CUL1: variants seen among roughly 807,000 people sequenced by gnomAD.
CUL1 encodes the protein cullin-1.
In CUL1, 24 loss-of-function variants were observed where a neutral mutation model predicts 118.0. That is an observed-to-expected ratio of 0.20 (90% CI 0.15 to 0.29). The LOEUF (loss-of-function observed/expected upper bound fraction) is 0.29. CUL1 is among the 10% of genes least tolerant of loss of function. CUL1 has a pLI of 1.00. For synonymous variants in CUL1, 332 were observed against 340.4 expected (o/e 0.98, Z 0.27); for missense variants, 361 against 933.8 (o/e 0.39, Z 7.99).
intron 2 of CUL1, among the ~76,000 whole-genome samples, chr7:148,748,238 C>T (rs112042948): frequency 1.2e-4 from 18 of 152,158 alleles, no homozygotes; most frequent in South Asian, 6.2e-4. Context: ...AAACCAAACT[C>T]GTCTATCAGA....
At position 148,760,440 on chromosome 7, in the gene CUL1, A is replaced by T; in HGVS notation, c.733A>T (p.Thr245Ser). Residue 245 changes from threonine (T) to serine (S), a missense_variant, in exon 7 of 22, where the codon ACC (threonine) becomes TCC (serine). By Grantham distance (58) the Thr-to-Ser change is moderately conservative (BLOSUM62 1). Transcript: ENST00000325222. ...QFLADTERFY[T>S]RESTEFLQQN... is the part of the protein sequence containing the mutation. ...TTTGGCTGACACAGAGAGATTTTAT[A>T]CCAGAGAGAGTACTGAATTCTTGCA... is the stretch of plus-strand genomic sequence containing the variant. 6.2e-7 allele frequency: 1 copy of T among 1,613,508 alleles called. No homozygotes were observed. The highest frequency in any genetic ancestry group is 8.5e-7 in the Non-Finnish European group (1 of 1,179,696).
At chr7:148,752,681 C>T (rs1799528272) in intron 2 of CUL1, among the ~76,000 whole-genome samples, 1 of 152,128 alleles carries the variant, frequency 6.6e-6, no homozygotes, top group South Asian at 2.1e-4. Context: ...CAGAGTCTTG[C>T]TCTGTCGCCC....
intron 1 of CUL1, among the ~76,000 whole-genome samples, chr7:148,700,226 C>G (rs1240180700): frequency 6.6e-6 from 1 of 152,158 alleles, no homozygotes; most frequent in Non-Finnish European, 1.5e-5. Context: ...GTCAAAAGTT[C>G]TGAGTGGAGT....
At chr7:148,739,994 A>G (rs1799089527) in intron 2 of CUL1, among the ~76,000 whole-genome samples, 1 of 151,892 alleles carries the variant, frequency 6.6e-6, no homozygotes, top group African/African-American at 2.4e-5. Context: ...ATGGACTGTC[A>G]ACTTCTTGTC....
At chr7:148,725,219 G>GCACGCACACA in intron 1 of CUL1, among the ~76,000 whole-genome samples, 6 of 140,060 alleles carry the variant, frequency 4.3e-5, no homozygotes, top group African/African-American at 1.7e-4. Flanking sequence ...ACACGCGCGC[G>GCACGCACACA]CTCACACACA....
chr7:148,799,403 A>C lies in CUL1; in HGVS notation c.2250+15A>C. On this transcript the variant is annotated intron_variant, in intron 21 of 21. Coordinates refer to ENST00000325222, the MANE Select transcript of CUL1 (RefSeq NM_003592.3). ...CTGTGATCAAGGTACAGGACTTTAC[A>C]TAGCAGTCACATTCCTTTCTTAATT... 6.7e-7 allele frequency: 1 copy of C among 1,489,776 alleles called. No individual in the cohort carries two copies. The highest frequency in any genetic ancestry group is 9.3e-7 in the Non-Finnish European group (1 of 1,069,996). 92.3% of individuals were successfully genotyped at this position (1,489,776 alleles called of 1,614,324 possible). A position where few individuals can be genotyped will look rare whatever the true frequency, so the allele number is the denominator to read the frequency against.
rs144315126 is a variant in CUL1, at chr7:148,711,594, G to A, written c.-162+12565G>A. 4.0e-3 allele frequency among the ~76,000 whole-genome samples: 602 copies of A among 152,312 alleles called. 5 individuals are homozygous for A. The highest frequency in any genetic ancestry group is 0.014 in the African/African-American group (567 of 41,566). ...CTTTTGAACCAGTTTGTAGTGAAAC[G>A]GGAAGTGTATTTGAAAGTTTGCTCA... On this transcript the variant is annotated intron_variant, in intron 1 of 21. Transcript: ENST00000325222.
intron 13 of CUL1, among the ~76,000 whole-genome samples, chr7:148,788,157 A>G (rs1287453226): frequency 6.6e-6 from 1 of 152,172 alleles, no homozygotes; most frequent in Non-Finnish European, 1.5e-5. Context: ...CCCATGCTCA[A>G]GACCGCATAC....
intron 9 of CUL1, among the ~76,000 whole-genome samples, chr7:148,774,332 G>A (rs931768898): frequency 2.6e-5 from 4 of 152,280 alleles, no homozygotes; most frequent in South Asian, 4.1e-4. Flanking sequence ...TGGTAGTGCC[G>A]TGGACAGCAT....
At chr7:148,701,262 C>G (rs1391666125) in intron 1 of CUL1, among the ~76,000 whole-genome samples, 2 of 152,056 alleles carry the variant, frequency 1.3e-5, no homozygotes, top group Admixed American at 1.3e-4. Context: ...GTTAAGAATT[C>G]AAGCTTTATT....
Position 148,787,818 on chromosome 7 carries a change from C to T in CUL1, c.1479+698C>T, listed in dbSNP as rs573825274. ...TGTCACGCAGCCCTTCCTCTGCCAC[C>T]TCCTTTGCGTGCCTGTGTGTCGGCG... is the stretch of plus-strand genomic sequence containing the variant. On this transcript the variant is annotated intron_variant, in intron 13 of 21. Transcript: ENST00000325222. This position sits in a 1 kb window ranked among gnomAD's most constrained non-coding sequence, Gnocchi z 5.5. Among the ~76,000 whole-genome samples, 1 of 152,338 alleles carries T rather than the reference C, an allele frequency of 6.6e-6. No homozygotes were observed. Among genetic ancestry groups the T allele is most frequent in the East Asian group, 1.9e-4 (1 of 5,190 alleles).
chr7:148,743,128 A>C (rs1251502742), intron 2 of CUL1, among the ~76,000 whole-genome samples: 1 of 152,184 alleles, frequency 6.6e-6, no homozygotes, highest in African/African-American at 2.4e-5. Flanking sequence ...TGATCAGAGA[A>C]CACACTGTAT....
At chr7:148,798,508 A>G in intron 19 of CUL1, 64 bp from the exon 20 acceptor site, 1 of 1,229,022 alleles carries the variant, frequency 8.1e-7, no homozygotes, top group Non-Finnish European at 1.2e-6. Context: ...TGAAAAATAG[A>G]AAGCAGCCTT....
chr7:148,768,184 T>C (rs563403711), intron 9 of CUL1, among the ~76,000 whole-genome samples: 6 of 152,230 alleles, frequency 3.9e-5, no homozygotes, highest in Admixed American at 3.3e-4. Flanking sequence ...ATAGCATTTC[T>C]CTACACCCCT....
At chr7:148,717,632 G>A (rs1195230617) in intron 1 of CUL1, among the ~76,000 whole-genome samples, 1 of 151,772 alleles carries the variant, frequency 6.6e-6, no homozygotes, top group East Asian at 1.9e-4. Context: ...TAAAGACCTT[G>A]CATCCTCTTC....
In CUL1 at chr7:148,779,218, T is replaced by C. The variant is rs970125187; in HGVS notation, c.1084-4565T>C. ...AAAGGTCGCAATTCAGTTGTGATTA[T>C]CATTATGTTCCTGGTTTAGCCATTT... On this transcript the variant is annotated intron_variant, in intron 9 of 21. Coordinates refer to ENST00000325222, the MANE Select transcript of CUL1 (RefSeq NM_003592.3). Among the ~76,000 whole-genome samples, 5 of 152,346 alleles carry C rather than the reference T, an allele frequency of 3.3e-5. No homozygotes were observed. The East Asian group carries it at 9.6e-4, about 29-fold the overall frequency.
At chr7:148,701,302 C>G (rs891447382) in intron 1 of CUL1, among the ~76,000 whole-genome samples, 1 of 152,156 alleles carries the variant, frequency 6.6e-6, no homozygotes, top group East Asian at 1.9e-4. Context: ...TTGATCGTCT[C>G]TCTCATCCCT....
At chr7:148,783,573 T>C (rs1019694109) in intron 9 of CUL1, 5 of 1,473,910 alleles carry the variant, frequency 3.4e-6, no homozygotes, top group Non-Finnish European at 4.5e-6. Context: ...GTGTGGAGAA[T>C]AGATTGTTTT....
chr7:148,709,842 G>A (rs1202857638), intron 1 of CUL1, among the ~76,000 whole-genome samples: 1 of 152,154 alleles, frequency 6.6e-6, no homozygotes, highest in Non-Finnish European at 1.5e-5. Flanking sequence ...TGAATACTTA[G>A]AAGGCCGAGG....
Sources: gnomAD v4.1 joint callset for allele counts (sites outside exome capture counted in the v4.1 genomes callset) on GRCh38, gnomAD v4.1.1 for gene constraint, Gnocchi (gnomAD v3.1) non-coding constraint, MANE v1.5 for transcripts, NCBI Gene and HGNC (gene_info 2026-07-23, HGNC 2026-07-21) for gene names.